The following POT1 variants were observed in gnomAD, a reference collection of about 807,000 sequenced individuals.
The protein encoded by POT1 is protection of telomeres protein 1.
A neutral mutation model predicts 78.5 loss-of-function variants in POT1; 47 were observed. That is an observed-to-expected ratio of 0.60 (90% CI 0.47 to 0.76). The LOEUF is 0.76. Ranked by LOEUF, POT1 falls within the 30% of genes least tolerant of loss-of-function variation. The pLI is 0.00. For missense variants in POT1, 646 were observed against 749.9 expected (o/e 0.86, Z 1.62); for synonymous variants, 259 against 260.7 (o/e 0.99, Z 0.06).
intron 7 of POT1, among the ~76,000 whole-genome samples, chr7:124,866,193 C>G (rs1046649575): frequency 2.0e-5 from 3 of 152,074 alleles, no homozygotes; most frequent in Admixed American, 6.6e-5. Flanking sequence ...TGGGACTCAC[C>G]CTGCAAACTC....
chr7:124,823,894 C>T lies in POT1; in HGVS notation c.*68G>A, dbSNP rs1794566785. 2.0e-6 allele frequency: 2 copies of T among 992,156 alleles called. No homozygotes were observed. The highest frequency in any genetic ancestry group is 3.2e-6 in the Non-Finnish European group (2 of 633,824). 61.5% of individuals were successfully genotyped at this position (992,156 alleles called of 1,614,324 possible). On this transcript the variant is annotated 3_prime_UTR_variant, in exon 19 of 19. Transcript: ENST00000357628. ...AACATTGCTGATACAAAACTCAGGT[C>T]AGGAAAAGAAGCTCAAACAGGGAAG...
At chr7:124,910,536 T>C (rs952259633) in intron 3 of POT1, among the ~76,000 whole-genome samples, 1 of 151,916 alleles carries the variant, frequency 6.6e-6, no homozygotes, top group Non-Finnish European at 1.5e-5. Flanking sequence ...ATTTTAATTC[T>C]GAAAAAAACT....
intron 11 of POT1, among the ~76,000 whole-genome samples, chr7:124,849,354 C>T (rs1795247698): frequency 6.6e-6 from 1 of 152,042 alleles, no homozygotes; most frequent in Admixed American, 6.6e-5. Context: ...AGCAGAAAAT[C>T]TGAGGAAGAG....
chr7:124,853,594 C>T (rs1795370436), intron 9 of POT1: 1 of 152,056 alleles, frequency 6.6e-6, no homozygotes, highest in Admixed American at 6.5e-5. Context: ...TACAAGAATG[C>T]TAAGAAGAAA....
intron 3 of POT1, among the ~76,000 whole-genome samples, chr7:124,905,790 G>GA (rs1272466252): frequency 5.3e-5 from 8 of 152,020 alleles, no homozygotes; most frequent in African/African-American, 1.9e-4. Context: ...AAATTTACAA[G>GA]AAAAAAATCA....
chr7:124,904,918 T>C (rs1796721727), intron 3 of POT1, among the ~76,000 whole-genome samples: 1 of 152,112 alleles, frequency 6.6e-6, no homozygotes, highest in Non-Finnish European at 1.5e-5. Context: ...ATAAAATACT[T>C]AGGAATCCAA....
intron 5 of POT1, among the ~76,000 whole-genome samples, chr7:124,895,920 A>G (rs1172987864): frequency 6.6e-6 from 1 of 151,680 alleles, no homozygotes; most frequent in Non-Finnish European, 1.5e-5. Flanking sequence ...GTGGGCTAGT[A>G]AAGCTTTTAA....
At chr7:124,899,449 G>A (rs1340371344) in intron 3 of POT1, among the ~76,000 whole-genome samples, 3 of 151,990 alleles carry the variant, frequency 2.0e-5, no homozygotes, top group African/African-American at 4.8e-5. Flanking sequence ...AGTTCAATGG[G>A]AGAAAATTTT....
chr7:124,912,213 A>G (rs1351870738), intron 3 of POT1, among the ~76,000 whole-genome samples: 1 of 152,054 alleles, frequency 6.6e-6, no homozygotes, highest in African/African-American at 2.4e-5. Flanking sequence ...CAATCCAGAA[A>G]AGCAGATATC....
chr7:124,882,592 A>G (rs1373655854), intron 6 of POT1, among the ~76,000 whole-genome samples: 1 of 151,998 alleles, frequency 6.6e-6, no homozygotes, highest in Non-Finnish European at 1.5e-5. Flanking sequence ...GAGTTCATAA[A>G]CGTTATTCTG....
chr7:124,914,847 C>T lies in POT1; in HGVS notation c.-154+727G>A, dbSNP rs532374826. ...TCCATAGGGGGCTCCTGGAACTAATCTCATGCATATACAGAGAAACAATTG... is the reference window on the plus strand; with the variant it reads ...TCCATAGGGGGCTCCTGGAACTAATTTCATGCATATACAGAGAAACAATTG... On this transcript the variant is annotated intron_variant, in intron 3 of 18. Coordinates refer to ENST00000357628, the MANE Select transcript of POT1 (RefSeq NM_015450.3). 8.5e-5 allele frequency among the ~76,000 whole-genome samples: 13 copies of T among 152,214 alleles called. No homozygotes were observed. In the South Asian group the frequency reaches 2.7e-3, roughly 32 times the overall value.
At chr7:124,868,081 T>A (rs558332276) in intron 7 of POT1, among the ~76,000 whole-genome samples, 4 of 152,270 alleles carry the variant, frequency 2.6e-5, no homozygotes, top group African/African-American at 9.6e-5. Context: ...GAAGAGTAGA[T>A]CTTGACTCTT....
At chr7:124,899,601 G>A (rs1162496616) in intron 3 of POT1, among the ~76,000 whole-genome samples, 1 of 152,038 alleles carries the variant, frequency 6.6e-6, no homozygotes, top group African/African-American at 2.4e-5. Context: ...CTGTTTTCAA[G>A]TGACCTCAAA....
At chr7:124,824,548 A>G (rs1280040130) in intron 18 of POT1, among the ~76,000 whole-genome samples, 1 of 152,098 alleles carries the variant, frequency 6.6e-6, no homozygotes, top group African/African-American at 2.4e-5. Context: ...TATAAGATGC[A>G]AAGATTGACC....
At chr7:124,837,173 T>A in intron 14 of POT1, 1 of 281,526 alleles carries the variant, frequency 3.6e-6, no homozygotes, top group Non-Finnish European at 7.0e-6. Flanking sequence ...GGTCTCAGTT[T>A]CCTCTTCTGT....
At chr7:124,910,892 C>G (rs756876947) in intron 3 of POT1, among the ~76,000 whole-genome samples, 10 of 151,926 alleles carry the variant, frequency 6.6e-5, no homozygotes, top group Non-Finnish European at 1.3e-4. Context: ...CACATTGATA[C>G]ACTCAAATAC....
chr7:124,915,763 G>A (rs1212447708), intron 2 of POT1, 117 bp from the exon 3 acceptor site: 2 of 152,064 alleles, frequency 1.3e-5, no homozygotes, highest in African/African-American at 4.8e-5. Context: ...AGAAGTCAGA[G>A]TACTGTGTTC....
rs763145744 is a variant in POT1, at chr7:124,859,092, T to C, written c.567A>G (p.Thr189=). Residue 189 remains threonine, a synonymous_variant, in exon 9 of 19, where the codon ACA becomes ACG. Transcript: ENST00000357628. ...TTAAGACTCTCCAAGATGGAAATGG[T>C]GTCCTGGTGCCATCCCATACCTGCC... ...FLLKVWDGTR[T]PFPSWRVLIQ... is the part of the protein sequence containing the mutation. The C allele has an allele frequency of 4.4e-6, 7 of 1,601,114 alleles. No homozygotes were observed. In the East Asian group the frequency reaches 1.6e-4, roughly 36 times the overall value.
Position 124,822,612 on chromosome 7 carries a change from A to T in POT1, c.*1350T>A. On this transcript the variant is annotated 3_prime_UTR_variant, in exon 19 of 19. Coordinates refer to ENST00000357628, the MANE Select transcript of POT1 (RefSeq NM_015450.3). Reference sequence around the variant, plus strand: ...TCCTGAGCACATCATCAACACGGAAACACACCTGTTCAACTGTAGGGTTTT... The same window carrying T: ...TCCTGAGCACATCATCAACACGGAATCACACCTGTTCAACTGTAGGGTTTT... The T allele has an allele frequency of 2.3e-6, 1 of 443,506 alleles. No homozygotes were observed. Among genetic ancestry groups the T allele is most frequent in the Non-Finnish European group, 4.6e-6 (1 of 217,976 alleles). 27.5% of individuals were successfully genotyped at this position (443,506 alleles called of 1,614,324 possible). A position where few individuals can be genotyped will look rare whatever the true frequency, so the allele number is the denominator to read the frequency against.
Sources: allele counts gnomAD v4.1 joint callset (sites outside exome capture counted in the v4.1 genomes callset), GRCh38; gene constraint gnomAD v4.1.1; transcripts MANE v1.5; gene names NCBI Gene and HGNC (gene_info 2026-07-23, HGNC 2026-07-21).